Variants in MGAT4C observed in about 807,000 individuals in gnomAD.
The protein encoded by MGAT4C is MGAT4 family member C.
Under a neutral mutation model 40.1 loss-of-function variants are expected in MGAT4C, and 19 were observed. The ratio of observed to expected loss-of-function variants is 0.47; its 90% CI spans 0.33 to 0.70. MGAT4C has a LOEUF of 0.70. MGAT4C is among the 30% of genes least tolerant of loss of function. The pLI is 0.02. For synonymous variants in MGAT4C, 181 were observed against 187.1 expected (o/e 0.97, Z 0.27); for missense variants, 491 against 563.2 (o/e 0.87, Z 1.30).
chr12:86,397,540 ATC>A (rs1956283170), intron 3 of MGAT4C, among the ~76,000 whole-genome samples: 1 of 152,088 alleles, frequency 6.6e-6, no homozygotes, highest in South Asian at 2.1e-4. Context: ...AGATCCCTAT[ATC>A]TAGTGTAGAT....
chr12:86,183,940 T>C (rs1888423256), intron 1 of MGAT4C, among the ~76,000 whole-genome samples: 1 of 152,102 alleles, frequency 6.6e-6, no homozygotes, highest in Non-Finnish European at 1.5e-5. Flanking sequence ...TCCACATATA[T>C]CAGTTATCAA....
intron 2 of MGAT4C, among the ~76,000 whole-genome samples, chr12:86,469,266 C>T (rs1957724998): frequency 6.6e-6 from 1 of 152,066 alleles, no homozygotes; most frequent in African/African-American, 2.4e-5. Context: ...TTGTGTAAGG[C>T]TTCTTGTTGA....
chr12:86,346,170 A>G (rs1955028222), intron 3 of MGAT4C, among the ~76,000 whole-genome samples: 2 of 152,206 alleles, frequency 1.3e-5, no homozygotes, highest in African/African-American at 4.8e-5. Context: ...GAAGAAGGCC[A>G]CCTATCATTT....
intron 1 of MGAT4C, among the ~76,000 whole-genome samples, chr12:86,110,046 T>A (rs115041513): frequency 1.3e-5 from 2 of 150,932 alleles, no homozygotes; most frequent in Non-Finnish European, 3.0e-5. Context: ...GTAAAAGTTA[T>A]AACTTCAGGA....
chr12:86,833,226 T>A (rs978684747), intron 1 of MGAT4C, among the ~76,000 whole-genome samples: 1 of 151,864 alleles, frequency 6.6e-6, no homozygotes, highest in African/African-American at 2.4e-5. Context: ...AGAGGATAAA[T>A]TATGTTCCTT....
At chr12:86,612,929 A>T (rs1402657015) in intron 2 of MGAT4C, among the ~76,000 whole-genome samples, 1 of 152,076 alleles carries the variant, frequency 6.6e-6, no homozygotes, top group Admixed American at 6.6e-5. Context: ...TTCTAATCTG[A>T]AGTGTTCATC....
At chr12:86,426,288 G>A (rs1054394791) in intron 3 of MGAT4C, among the ~76,000 whole-genome samples, 4 of 152,062 alleles carry the variant, frequency 2.6e-5, no homozygotes, top group Admixed American at 6.6e-5. Flanking sequence ...GCTGCCATTC[G>A]TTTACCGATT....
chr12:86,398,938 T>A lies in MGAT4C; in HGVS notation c.-120+36219A>T, dbSNP rs531077770. Among the ~76,000 whole-genome samples the A allele has an allele frequency of 5.3e-5, 8 of 152,190 alleles. No homozygotes were observed. The East Asian group carries it at 1.6e-3, about 30-fold the overall frequency. ...TCCGCTGTCCAGGCCAGGTATTAGATGACAGGCTTTTTGTCCAATTACATT... is the reference window on the plus strand; with the variant it reads ...TCCGCTGTCCAGGCCAGGTATTAGAAGACAGGCTTTTTGTCCAATTACATT... On this transcript the variant is annotated intron_variant, in intron 3 of 7. Transcript: ENST00000548651.
Position 86,129,396 on chromosome 12 carries a change from T to A in MGAT4C, c.-56-79673A>T, listed in dbSNP as rs1198373390. 2.6e-5 allele frequency among the ~76,000 whole-genome samples: 4 copies of A among 152,140 alleles called. No homozygotes were observed. The South Asian group carries it at 6.2e-4, about 24-fold the overall frequency. On this transcript the variant is annotated intron_variant, in intron 1 of 4. Transcript: ENST00000611864. ...TGCAGCTGCACAGCTAGAGAAACAG[T>A]CTTCACAATGCCTGGGAAAGGGAGA...
intron 3 of MGAT4C, among the ~76,000 whole-genome samples, chr12:86,399,907 A>G (rs1327410460): frequency 2.0e-5 from 3 of 152,220 alleles, no homozygotes; most frequent in Non-Finnish European, 4.4e-5. Context: ...TGTGTCCCAT[A>G]CTAGCAGATT....
intron 1 of MGAT4C, among the ~76,000 whole-genome samples, chr12:86,796,882 T>C (rs1952132919): frequency 1.3e-5 from 2 of 151,928 alleles, no homozygotes; most frequent in South Asian, 4.1e-4. Flanking sequence ...CAAAACATCA[T>C]GTCATACTTA....
intron 1 of MGAT4C, among the ~76,000 whole-genome samples, chr12:86,165,691 T>C (rs1886111286): frequency 6.6e-6 from 1 of 152,170 alleles, no homozygotes; most frequent in African/African-American, 2.4e-5. Flanking sequence ...CTGAAATCAA[T>C]TTAAAACGAT....
intron 2 of MGAT4C, among the ~76,000 whole-genome samples, chr12:86,647,473 G>C (rs537823622): frequency 1.1e-3 from 170 of 151,978 alleles, no homozygotes; most frequent in African/African-American, 4.0e-3. Flanking sequence ...CTGATGAAGA[G>C]AGCCTGATTT....
chr12:86,245,436 T>A (rs561597642), intron 1 of MGAT4C, among the ~76,000 whole-genome samples: 2 of 152,310 alleles, frequency 1.3e-5, no homozygotes, highest in African/African-American at 4.8e-5. Flanking sequence ...TGCCTCCTTT[T>A]TTGAACTTCG....
At chr12:86,214,231 AC>A (rs773003672) in intron 1 of MGAT4C, among the ~76,000 whole-genome samples, 15 of 151,922 alleles carry the variant, frequency 9.9e-5, no homozygotes, top group Non-Finnish European at 2.2e-4. Flanking sequence ...CTCTGCATAG[AC>A]CCCTTTTCTT....
chr12:86,008,893 G>A (rs150548219), intron 2 of MGAT4C, among the ~76,000 whole-genome samples: 4 of 151,974 alleles, frequency 2.6e-5, no homozygotes, highest in African/African-American at 9.6e-5. Flanking sequence ...TGTGCTATAC[G>A]ATGGATTATA....
At chr12:86,761,014 T>A (rs1951395565) in intron 1 of MGAT4C, among the ~76,000 whole-genome samples, 1 of 152,216 alleles carries the variant, frequency 6.6e-6, no homozygotes, top group South Asian at 2.1e-4. Flanking sequence ...TTAATTTTGT[T>A]CAGTTTCACA....
intron 1 of MGAT4C, among the ~76,000 whole-genome samples, chr12:86,163,605 T>C (rs891163134): frequency 6.6e-6 from 1 of 152,184 alleles, no homozygotes; most frequent in African/African-American, 2.4e-5. Context: ...AAGTATTGAA[T>C]AAATCCATGT....
intron 3 of MGAT4C, among the ~76,000 whole-genome samples, chr12:86,400,367 A>T (rs1022164172): frequency 3.9e-5 from 6 of 152,166 alleles, no homozygotes; most frequent in Admixed American, 3.9e-4. Context: ...GTATTACCCA[A>T]CTTCCCTTAT....
Sources: gnomAD v4.1 joint callset for allele counts (sites outside exome capture counted in the v4.1 genomes callset) on GRCh38, gnomAD v4.1.1 for gene constraint, MANE v1.5 for transcripts, NCBI Gene and HGNC (gene_info 2026-07-23, HGNC 2026-07-21) for gene names.